The following SDK1 variants were observed in gnomAD, a reference collection of about 807,000 sequenced individuals.
SDK1 encodes the protein sidekick cell adhesion molecule 1.
In SDK1, 157 loss-of-function variants were observed where a neutral mutation model predicts 245.5. That is an observed-to-expected ratio of 0.64 (90% CI 0.56 to 0.73). The LOEUF (loss-of-function observed/expected upper bound fraction) is 0.73, where lower values mean the gene tolerates loss of function less well. Among genes scored for constraint, SDK1 ranks in the 30% least tolerant of loss-of-function variants. The probability of loss-of-function intolerance (pLI) is 0.00; values close to 1 mark genes in which losing one functional copy is unlikely to be tolerated. For synonymous variants in SDK1, 1,647 were observed against 1,278.5 expected (o/e 1.29, Z -6.15); for missense variants, 3,583 against 3,002.3 (o/e 1.19, Z -4.52).
chr7:3,847,061 T>C lies in SDK1; in HGVS notation c.847+25478T>C, dbSNP rs984789667. Among the ~76,000 whole-genome samples, 5 of 152,242 alleles carry C rather than the reference T, an allele frequency of 3.3e-5. No homozygotes were observed. The South Asian group carries it at 8.3e-4, about 25-fold the overall frequency. On this transcript the variant is annotated intron_variant, in intron 5 of 44. Transcript: ENST00000404826. ...CCGCTTAGTGTAATCACGCTTCTTTTTTTTTTTGCTTTCCCATTAAGCATT... is the reference window on the plus strand; with the variant it reads ...CCGCTTAGTGTAATCACGCTTCTTTCTTTTTTTGCTTTCCCATTAAGCATT...
At chr7:3,501,996 C>G (rs1232875946) in intron 1 of SDK1, among the ~76,000 whole-genome samples, 1 of 152,192 alleles carries the variant, frequency 6.6e-6, no homozygotes, top group East Asian at 1.9e-4. Context: ...AGCTGGATTT[C>G]TAGTGATAGG....
intron 1 of SDK1, among the ~76,000 whole-genome samples, chr7:3,311,375 C>A (rs1242704758): frequency 6.6e-6 from 1 of 152,026 alleles, no homozygotes; most frequent in Non-Finnish European, 1.5e-5. Context: ...TTTTTGAGCT[C>A]AATCTCACTG....
chr7:3,757,813 C>T (rs1046295496), intron 4 of SDK1, among the ~76,000 whole-genome samples: 1 of 152,100 alleles, frequency 6.6e-6, no homozygotes, highest in Non-Finnish European at 1.5e-5. Context: ...CCTTCAGGCC[C>T]CCTCCCCTCC....
chr7:3,596,383 G>A (rs1436108143), intron 1 of SDK1, among the ~76,000 whole-genome samples: 2 of 152,208 alleles, frequency 1.3e-5, no homozygotes, highest in African/African-American at 4.8e-5. Flanking sequence ...AAAGTTGCTC[G>A]AGGCAGTGAC....
chr7:3,574,280 C>G (rs752902185), intron 1 of SDK1, among the ~76,000 whole-genome samples: 1 of 151,886 alleles, frequency 6.6e-6, no homozygotes, highest in Non-Finnish European at 1.5e-5. Context: ...CCATGCCCAG[C>G]TAATTTTTTG....
intron 1 of SDK1, among the ~76,000 whole-genome samples, chr7:3,433,956 C>T (rs549800758): frequency 2.1e-4 from 32 of 152,214 alleles, no homozygotes; most frequent in Admixed American, 7.2e-4. Context: ...GGATACTTTG[C>T]GCATAACTAC....
intron 1 of SDK1, among the ~76,000 whole-genome samples, chr7:3,367,031 C>T (rs551232583): frequency 1.3e-5 from 2 of 152,242 alleles, no homozygotes; most frequent in African/African-American, 4.8e-5. Flanking sequence ...TGAGCTACCG[C>T]GCCCGGCCTA....
chr7:3,515,914 T>A (rs146873449), intron 1 of SDK1, among the ~76,000 whole-genome samples: 1 of 152,296 alleles, frequency 6.6e-6, no homozygotes, highest in Admixed American at 6.5e-5. Context: ...GAGATTTAGC[T>A]GAAATTTTTC....
intron 1 of SDK1, among the ~76,000 whole-genome samples, chr7:3,317,061 G>A (rs1474234349): frequency 2.0e-5 from 3 of 150,886 alleles, no homozygotes; most frequent in Non-Finnish European, 2.9e-5. Context: ...TGCACTTGTC[G>A]TCCCAGCTAC....
chr7:3,477,588 C>T (rs560850186), intron 1 of SDK1, among the ~76,000 whole-genome samples: 4 of 151,364 alleles, frequency 2.6e-5, no homozygotes, highest in South Asian at 2.1e-4. Context: ...AGTCATAGCT[C>T]GCTGCAACCT....
chr7:3,550,736 G>C (rs1034654387), intron 1 of SDK1, among the ~76,000 whole-genome samples: 4 of 152,092 alleles, frequency 2.6e-5, no homozygotes, highest in African/African-American at 9.7e-5. Flanking sequence ...TATTAATATG[G>C]ATATTACTAT....
chr7:3,336,842 G>C (rs916310883), intron 1 of SDK1, among the ~76,000 whole-genome samples: 1 of 152,206 alleles, frequency 6.6e-6, no homozygotes, highest in South Asian at 2.1e-4. Context: ...AAGGCAATGT[G>C]AGTCATCACC....
At chr7:3,449,935 A>G (rs1780460706) in intron 1 of SDK1, among the ~76,000 whole-genome samples, 1 of 152,124 alleles carries the variant, frequency 6.6e-6, no homozygotes, top group Admixed American at 6.5e-5. Flanking sequence ...GGATGCCATG[A>G]AAACGTAGAG....
rs563308872 is a variant in SDK1 at position 4,173,143 on chromosome 7, G to A, written c.4801-1079G>A. ...GACACCGGAAGTTCTGTGCACATCC[G>A]TCCTCTGACGAGGCTTCGTGGCCTC... On this transcript the variant is annotated intron_variant, in intron 32 of 44. Coordinates refer to ENST00000404826, the MANE Select transcript of SDK1 (RefSeq NM_152744.4). Among the ~76,000 whole-genome samples, 8 of 152,342 alleles carry A rather than the reference G, an allele frequency of 5.3e-5. No individual in the cohort carries two copies. The East Asian group carries it at 5.8e-4, about 11-fold the overall frequency.
intron 5 of SDK1, among the ~76,000 whole-genome samples, chr7:3,843,148 T>C (rs1780199694): frequency 6.6e-6 from 1 of 152,314 alleles, no homozygotes; most frequent in South Asian, 2.1e-4. Context: ...CCCTGGGCTT[T>C]GCTGAACTCA....
rs1257382584 is a variant in SDK1, at chr7:4,040,296, C to T, written c.2603-9052C>T. On this transcript the variant is annotated intron_variant, in intron 17 of 44. Transcript: ENST00000404826. ...CTCTGCCTGAGCACTTAGGTTCCCC[C>T]ACCGTGGTTGCATGCTTGGTTCATC... 3.9e-5 allele frequency among the ~76,000 whole-genome samples: 6 copies of T among 152,186 alleles called. No individual in the cohort carries two copies. The East Asian group carries it at 1.2e-3, about 29-fold the overall frequency.
intron 1 of SDK1, among the ~76,000 whole-genome samples, chr7:3,592,738 C>G (rs2128636051): frequency 6.6e-6 from 1 of 152,278 alleles, no homozygotes; most frequent in East Asian, 1.9e-4. Flanking sequence ...AATGTCACCG[C>G]TTTATATAAA....
chr7:4,019,235 A>C (rs1786672557), intron 17 of SDK1, among the ~76,000 whole-genome samples: 1 of 152,208 alleles, frequency 6.6e-6, no homozygotes, highest in African/African-American at 2.4e-5. Context: ...ACACCTGTTC[A>C]TAGGAAGCTG....
chr7:3,975,854 AG>A (rs1289350144), intron 13 of SDK1, among the ~76,000 whole-genome samples: 2 of 152,208 alleles, frequency 1.3e-5, no homozygotes, highest in Non-Finnish European at 2.9e-5. Flanking sequence ...CTACAGAATC[AG>A]CCGGCGGCAG....
Sources: allele counts gnomAD v4.1 joint callset (sites outside exome capture counted in the v4.1 genomes callset), GRCh38; gene constraint gnomAD v4.1.1; transcripts MANE v1.5; gene names NCBI Gene and HGNC (gene_info 2026-07-23, HGNC 2026-07-21).